Variants in GABRB2 observed in about 807,000 individuals in gnomAD.
GABRB2 encodes the protein gamma-aminobutyric acid type A receptor subunit beta2, also known as gamma-aminobutyric acid receptor subunit beta-2.
A neutral mutation model predicts 54.7 loss-of-function variants in GABRB2; 16 were observed. The ratio of observed to expected loss-of-function variants is 0.29; its 90% CI spans 0.20 to 0.44. The LOEUF is 0.44. Among genes scored for constraint, GABRB2 ranks in the 20% least tolerant of loss-of-function variants. The pLI, the probability that GABRB2 is intolerant of heterozygous loss-of-function variation, is 1.00. For synonymous variants in GABRB2, 244 were observed against 233.8 expected, an observed-to-expected ratio of 1.04 and a Z score of -0.40; for missense variants, 355 against 644.0, an observed-to-expected ratio of 0.55 and a Z score of 4.86.
intron 9 of GABRB2, among the ~76,000 whole-genome samples, chr5:161,319,348 G>A (rs1032996218): frequency 6.7e-6 from 1 of 148,178 alleles, no homozygotes; most frequent in Admixed American, 6.7e-5. Flanking sequence ...TTAAATTTTT[G>A]TTAATTTTTC....
At chr5:161,473,927 T>C (rs1758518297) in intron 3 of GABRB2, among the ~76,000 whole-genome samples, 1 of 151,880 alleles carries the variant, frequency 6.6e-6, no homozygotes, top group South Asian at 2.1e-4. Context: ...ATCAGTCTGG[T>C]AGAAGAGAAA....
intron 4 of GABRB2, among the ~76,000 whole-genome samples, chr5:161,446,928 GTATTGA>G (rs1757649208): frequency 6.6e-6 from 1 of 151,478 alleles, no homozygotes; most frequent in South Asian, 2.1e-4. Flanking sequence ...GCCTGGCATG[GTATTGA>G]TACATAATAA....
intron 4 of GABRB2, among the ~76,000 whole-genome samples, chr5:161,456,566 T>G (rs892627774): frequency 2.6e-5 from 4 of 152,194 alleles, no homozygotes; most frequent in African/African-American, 9.6e-5. Flanking sequence ...CGTCTTTACC[T>G]TCAGATAACT....
At chr5:161,478,650 T>G (rs1422519812) in intron 3 of GABRB2, among the ~76,000 whole-genome samples, 1 of 152,070 alleles carries the variant, frequency 6.6e-6, no homozygotes, top group Non-Finnish European at 1.5e-5. Flanking sequence ...CAAACTGATA[T>G]TCCACCTAGA....
At chr5:161,378,462 C>A (rs578129883) in intron 5 of GABRB2, among the ~76,000 whole-genome samples, 1 of 152,164 alleles carries the variant, frequency 6.6e-6, no homozygotes, top group Admixed American at 6.5e-5. Flanking sequence ...TTAAAATGAG[C>A]TAATGGTCAC....
chr5:161,413,435 A>G (rs1230744410), intron 4 of GABRB2, among the ~76,000 whole-genome samples: 2 of 152,096 alleles, frequency 1.3e-5, no homozygotes, highest in African/African-American at 2.4e-5. Flanking sequence ...CCAAATTCTT[A>G]TATTCTATAA....
At chr5:161,467,153 C>A (rs940582519) in intron 3 of GABRB2, among the ~76,000 whole-genome samples, 4 of 152,148 alleles carry the variant, frequency 2.6e-5, no homozygotes, top group South Asian at 2.1e-4. Context: ...GAACTAAAAT[C>A]TTGAGCTTTG....
intron 9 of GABRB2, among the ~76,000 whole-genome samples, chr5:161,325,343 T>A (rs916883852): frequency 6.6e-6 from 1 of 152,118 alleles, no homozygotes; most frequent in Non-Finnish European, 1.5e-5. Context: ...AAACATCTCT[T>A]CCATAATTTA....
chr5:161,380,949 A>G (rs993029115), intron 5 of GABRB2, among the ~76,000 whole-genome samples: 2 of 152,186 alleles, frequency 1.3e-5, no homozygotes, highest in African/African-American at 4.8e-5. Context: ...ATTTAAAACA[A>G]ACAGATCTTT....
At chr5:161,361,139 G>T (rs1025884960) in intron 5 of GABRB2, among the ~76,000 whole-genome samples, 1 of 151,814 alleles carries the variant, frequency 6.6e-6, no homozygotes, top group Non-Finnish European at 1.5e-5. Context: ...GAAATAGAAA[G>T]AGAAGGAGGC....
intron 4 of GABRB2, among the ~76,000 whole-genome samples, chr5:161,423,333 T>C (rs1444495914): frequency 1.3e-5 from 2 of 152,180 alleles, no homozygotes; most frequent in African/African-American, 4.8e-5. Flanking sequence ...TGCTTTGCTT[T>C]ATTGCACCTT....
At position 161,291,501 on chromosome 5, in the gene GABRB2, A is replaced by G. The variant is rs539702536; in HGVS notation, c.*2580T>C. 1.3e-5 allele frequency: 2 copies of G among 152,242 alleles called. No individual in the cohort carries two copies. Among genetic ancestry groups the G allele is most frequent in the South Asian group, 2.1e-4 (1 of 4,800 alleles). The allele number at this position is 152,242 out of a possible 1,614,324, so 9.4% of individuals were successfully genotyped here. A position where few individuals can be genotyped will look rare whatever the true frequency, so the allele number is the denominator to read the frequency against. ...TGGAGAGGCTGAGTCAGTTGTTTCTATCTCTGTGGTTACTGAGTGCCAATG... is the reference window on the plus strand; with the variant it reads ...TGGAGAGGCTGAGTCAGTTGTTTCTGTCTCTGTGGTTACTGAGTGCCAATG... On this transcript the variant is annotated 3_prime_UTR_variant, in exon 10 of 10. Transcript: ENST00000393959.
rs1351188868 is a variant in GABRB2, at chr5:161,545,251, G to A, written c.213C>T (p.Ile71=). Residue 71 remains isoleucine (I), a synonymous_variant, in exon 3 of 10, where the codon ATC becomes ATT. Transcript: ENST00000393959. ...AVGMNIDIAS[I]DMVSEVNMDY... ...CCATATTGACTTCAGAAACCATATC[G>A]ATGCTGGCAATGTCAATGTTCATCC... 1.9e-6 allele frequency: 3 copies of A among 1,607,226 alleles called. No homozygotes were observed. The Admixed American group carries it at 5.1e-5, about 27-fold the overall frequency.
chr5:161,370,816 G>C (rs935023496), intron 5 of GABRB2, among the ~76,000 whole-genome samples: 3 of 152,120 alleles, frequency 2.0e-5, no homozygotes, highest in Non-Finnish European at 2.9e-5. Flanking sequence ...TACCCAAGTG[G>C]CCATTAAAAA....
chr5:161,457,986 G>A (rs1758010306), intron 4 of GABRB2, among the ~76,000 whole-genome samples: 1 of 152,132 alleles, frequency 6.6e-6, no homozygotes, highest in Non-Finnish European at 1.5e-5. Context: ...GAAGTGATAT[G>A]ATGGACAAAA....
At chr5:161,503,936 A>G (rs879830432) in intron 3 of GABRB2, among the ~76,000 whole-genome samples, 1 of 152,110 alleles carries the variant, frequency 6.6e-6, no homozygotes, top group Non-Finnish European at 1.5e-5. Flanking sequence ...AGACTTCTAC[A>G]TAAGGAACAT....
intron 4 of GABRB2, among the ~76,000 whole-genome samples, chr5:161,415,597 G>A (rs978802285): frequency 2.0e-5 from 3 of 151,974 alleles, no homozygotes; most frequent in Admixed American, 6.6e-5. Flanking sequence ...TCCAAGTTTG[G>A]GTTTTTTGTT....
intron 3 of GABRB2, among the ~76,000 whole-genome samples, chr5:161,523,702 G>T (rs544760868): frequency 2.3e-4 from 35 of 151,540 alleles, no homozygotes; most frequent in Non-Finnish European, 4.7e-4. Context: ...ACGATGTCAA[G>T]TTGCATCTGG....
At chr5:161,511,671 A>C (rs1759771731) in intron 3 of GABRB2, among the ~76,000 whole-genome samples, 1 of 152,098 alleles carries the variant, frequency 6.6e-6, no homozygotes, top group South Asian at 2.1e-4. Context: ...AGAAGCTCAA[A>C]ATTAAGGTGT....
Sources: gnomAD v4.1 joint callset for allele counts (sites outside exome capture counted in the v4.1 genomes callset) on GRCh38, gnomAD v4.1.1 for gene constraint, MANE v1.5 for transcripts, NCBI Gene and HGNC (gene_info 2026-07-23, HGNC 2026-07-21) for gene names.